RPS6KC1: variants seen among roughly 807,000 people sequenced by gnomAD.
RPS6KC1 encodes the protein ribosomal protein S6 kinase C1, also known as inactive ribosomal protein S6 kinase delta-1.
Under a neutral mutation model 103.8 loss-of-function variants are expected in RPS6KC1, and 54 were observed. The ratio of observed to expected loss-of-function variants is 0.52; its 90% confidence interval spans 0.42 to 0.65. The LOEUF (loss-of-function observed/expected upper bound fraction) is 0.65. Among genes scored for constraint, RPS6KC1 ranks in the 30% least tolerant of loss-of-function variants. The pLI, the probability that RPS6KC1 is intolerant of heterozygous loss-of-function variation, is 0.00. For missense variants in RPS6KC1, 1,151 were observed against 1,253.8 expected (o/e 0.92, Z 1.24); for synonymous variants, 439 against 438.7 (o/e 1.00, Z -0.01).
At chr1:213,149,073 A>G (rs777137651) in intron 6 of RPS6KC1, among the ~76,000 whole-genome samples, 1 of 150,418 alleles carries the variant, frequency 6.6e-6, no homozygotes, top group African/African-American at 2.4e-5. Flanking sequence ...TTTTTTTCTT[A>G]GTTTGGCTAA....
the RPS6KC1 span, among the ~76,000 whole-genome samples, chr1:213,602,121 TCTTTCTTTC>T: frequency 3.0e-4 from 1 of 3,344 alleles, no homozygotes; most frequent in Non-Finnish European, 6.6e-4. Context: ...TCTTTCTTTC[TCTTTCTTTC>T]TTTCTTTCTT....
intron 4 of RPS6KC1, among the ~76,000 whole-genome samples, chr1:213,111,776 C>G (rs2083052131): frequency 6.6e-6 from 1 of 152,076 alleles, no homozygotes; most frequent in African/African-American, 2.4e-5. Flanking sequence ...TTGAAAGATA[C>G]TTTGTTTTAA....
the RPS6KC1 span, among the ~76,000 whole-genome samples, chr1:213,782,680 G>C: frequency 9.2e-5 from 14 of 152,010 alleles, no homozygotes; most frequent in Admixed American, 9.2e-4. Flanking sequence ...AAGAGAAACA[G>C]AGAAAAGGAA....
the RPS6KC1 span, among the ~76,000 whole-genome samples, chr1:213,736,009 C>T: frequency 9.1e-3 from 1,390 of 152,258 alleles, 27 homozygotes; most frequent in African/African-American, 0.031. Flanking sequence ...CCTTAACACC[C>T]GCTGGCTCTG....
chr1:213,534,204 C>T, the RPS6KC1 span, among the ~76,000 whole-genome samples: 2 of 152,072 alleles, frequency 1.3e-5, no homozygotes, highest in African/African-American at 2.4e-5. Context: ...TCACAGACAG[C>T]GAATGGGAAA....
chr1:213,726,200 C>A, the RPS6KC1 span, among the ~76,000 whole-genome samples: 1 of 152,146 alleles, frequency 6.6e-6, no homozygotes, highest in African/African-American at 2.4e-5. Context: ...ATCTTCTCAG[C>A]CTCAGCCTGG....
At chr1:213,585,731 A>G in the RPS6KC1 span, among the ~76,000 whole-genome samples, 2 of 151,738 alleles carry the variant, frequency 1.3e-5, no homozygotes, top group African/African-American at 4.8e-5. Flanking sequence ...AGGCCTCCCT[A>G]CTCCAGGAGA....
intron 3 of RPS6KC1, among the ~76,000 whole-genome samples, chr1:213,095,246 C>A (rs530232055): frequency 1.3e-5 from 2 of 152,176 alleles, no homozygotes; most frequent in Non-Finnish European, 2.9e-5. Flanking sequence ...TCCAGAGAAT[C>A]TTGACCTCTC....
At chr1:213,411,481 C>T in the RPS6KC1 span, among the ~76,000 whole-genome samples, 11 of 152,224 alleles carry the variant, frequency 7.2e-5, no homozygotes, top group South Asian at 1.9e-3. Flanking sequence ...CAGGGTGGAG[C>T]GGGTGTTGTA....
the RPS6KC1 span, among the ~76,000 whole-genome samples, chr1:213,775,886 A>G: frequency 5.3e-5 from 8 of 152,304 alleles, no homozygotes; most frequent in South Asian, 1.5e-3. Context: ...AATATTCTAA[A>G]TCCTTTCTTA....
the RPS6KC1 span, among the ~76,000 whole-genome samples, chr1:213,789,644 T>C: frequency 6.6e-6 from 1 of 152,154 alleles, no homozygotes; most frequent in Non-Finnish European, 1.5e-5. Context: ...GGGACAAAAT[T>C]GCATCCCTTA....
At chr1:213,728,887 A>G in the RPS6KC1 span, among the ~76,000 whole-genome samples, 26 of 148,208 alleles carry the variant, frequency 1.8e-4, no homozygotes, top group East Asian at 4.5e-3. Context: ...AGAAAATTTA[A>G]TGGCAGTCAG....
the RPS6KC1 span, among the ~76,000 whole-genome samples, chr1:213,702,851 T>TTTG: frequency 3.4e-4 from 52 of 151,348 alleles, 1 homozygote; most frequent in South Asian, 1.3e-3. Flanking sequence ...TTGAGGTTTT[T>TTTG]TTTGTTTGTT....
chr1:213,304,281 T>C, the RPS6KC1 span, among the ~76,000 whole-genome samples: 690 of 151,086 alleles, frequency 4.6e-3, 1 homozygote, highest in Non-Finnish European at 7.6e-3. Context: ...TACTCTGGGA[T>C]AATTAAGATC....
the RPS6KC1 span, among the ~76,000 whole-genome samples, chr1:213,657,456 T>TA: frequency 6.6e-6 from 1 of 152,138 alleles, no homozygotes; most frequent in Non-Finnish European, 1.5e-5. Context: ...TTTAATTATT[T>TA]AAAAAAATAT....
At chr1:213,436,318 A>G in the RPS6KC1 span, among the ~76,000 whole-genome samples, 8 of 152,386 alleles carry the variant, frequency 5.2e-5, no homozygotes, top group Admixed American at 3.9e-4. Context: ...ATTGTACTGT[A>G]TAAATATAAA....
rs563038444 is a variant in RPS6KC1 at position 213,238,334 on chromosome 1, C to T, written c.1226-2368C>T. On this transcript the variant is annotated intron_variant, in intron 10 of 14. Transcript: ENST00000366960. ...CTATTAGAAAAAAACATTCCAAGTG[C>T]AAGCATGGTATGGGGAAAAGCCCAT... 4.6e-5 allele frequency among the ~76,000 whole-genome samples: 7 copies of T among 152,222 alleles called. No homozygotes were observed. In the East Asian group the frequency reaches 9.7e-4, roughly 21 times the overall value.
At chr1:213,738,038 G>C in the RPS6KC1 span, among the ~76,000 whole-genome samples, 1 of 152,142 alleles carries the variant, frequency 6.6e-6, no homozygotes, top group African/African-American at 2.4e-5. Flanking sequence ...AAGGTTACTT[G>C]GTAGAAGAGT....
chr1:213,164,670 C>T (rs951400379), intron 6 of RPS6KC1, among the ~76,000 whole-genome samples: 3 of 152,154 alleles, frequency 2.0e-5, no homozygotes, highest in African/African-American at 7.2e-5. Flanking sequence ...TCATGTGATC[C>T]TCCTGCCTCA....
Sources: allele counts gnomAD v4.1 joint callset (sites outside exome capture counted in the v4.1 genomes callset), GRCh38; gene constraint gnomAD v4.1.1; transcripts MANE v1.5; gene names NCBI Gene and HGNC (gene_info 2026-07-23, HGNC 2026-07-21).